Variants in CDH18 observed in about 807,000 individuals in gnomAD.
CDH18 encodes cadherin-18.
Under a neutral mutation model 67.9 loss-of-function variants are expected in CDH18, and 31 were observed. The ratio of observed to expected loss-of-function variants is 0.46; its 90% CI spans 0.34 to 0.62. The LOEUF (loss-of-function observed/expected upper bound fraction) is 0.62, where lower values mean the gene tolerates loss of function less well. Ranked by LOEUF, CDH18 falls within the 20% of genes least tolerant of loss-of-function variation. CDH18 has a pLI of 0.01. For synonymous variants in CDH18, 362 were observed against 347.2 expected (o/e 1.04, Z -0.48); for missense variants, 890 against 975.5 (o/e 0.91, Z 1.17).
chr5:19,657,459 T>A (rs547459270), intron 5 of CDH18, among the ~76,000 whole-genome samples: 1 of 152,206 alleles, frequency 6.6e-6, no homozygotes, highest in South Asian at 2.1e-4. Flanking sequence ...AATTCATATA[T>A]CCTTAGAAAA....
chr5:19,544,112 T>A, intron 8 of CDH18, 107 bp from the exon 9 acceptor site: 1 of 444,378 alleles, frequency 2.3e-6, no homozygotes, highest in Non-Finnish European at 3.8e-6. Context: ...AATATACTTT[T>A]AAATTCTATA....
intron 1 of CDH18, among the ~76,000 whole-genome samples, chr5:20,540,132 A>T (rs2126585577): frequency 6.6e-6 from 1 of 152,302 alleles, no homozygotes; most frequent in African/African-American, 2.4e-5. Flanking sequence ...TGGACTTCTT[A>T]GAGAGGCTAC....
intron 3 of CDH18, among the ~76,000 whole-genome samples, chr5:19,785,431 T>C (rs775966815): frequency 2.6e-5 from 4 of 150,944 alleles, no homozygotes; most frequent in African/African-American, 4.9e-5. Context: ...GGCGGGCAGA[T>C]CACCTGGGGT....
chr5:19,655,848 CA>C (rs1756288756), intron 5 of CDH18, among the ~76,000 whole-genome samples: 2 of 152,140 alleles, frequency 1.3e-5, no homozygotes, highest in Admixed American at 6.6e-5. Flanking sequence ...CACTCTCTAA[CA>C]GGCTGTCAGC....
At chr5:20,022,881 A>T (rs1738553343) in intron 2 of CDH18, among the ~76,000 whole-genome samples, 1 of 152,184 alleles carries the variant, frequency 6.6e-6, no homozygotes, top group Admixed American at 6.5e-5. Context: ...GGTATACAAA[A>T]TCACTACCTT....
intron 2 of CDH18, among the ~76,000 whole-genome samples, chr5:19,942,771 G>A (rs1305109905): frequency 6.6e-6 from 1 of 152,188 alleles, no homozygotes; most frequent in African/African-American, 2.4e-5. Flanking sequence ...GCAGAAAATA[G>A]AGGTCAAGGT....
At chr5:20,350,165 CA>C (rs201856687) in intron 1 of CDH18, among the ~76,000 whole-genome samples, 7 of 151,958 alleles carry the variant, frequency 4.6e-5, no homozygotes, top group South Asian at 2.1e-4. Flanking sequence ...TCTTACATTA[CA>C]AAAAAATTTC....
intron 2 of CDH18, among the ~76,000 whole-genome samples, chr5:20,121,014 T>C (rs1748309517): frequency 6.6e-6 from 1 of 152,120 alleles, no homozygotes; most frequent in Non-Finnish European, 1.5e-5. Context: ...CACCACAACT[T>C]TAAGAGGAAA....
At chr5:20,102,070 C>T (rs929237277) in intron 2 of CDH18, among the ~76,000 whole-genome samples, 7 of 151,812 alleles carry the variant, frequency 4.6e-5, no homozygotes, top group South Asian at 2.1e-4. Context: ...GATGCTGTCT[C>T]GGAAAAAACA....
intron 6 of CDH18, among the ~76,000 whole-genome samples, chr5:19,603,763 T>C (rs1747563508): frequency 6.7e-6 from 1 of 150,280 alleles, no homozygotes; most frequent in South Asian, 2.1e-4. Flanking sequence ...TAGGGCAATG[T>C]GCATTTTTCA....
chr5:19,850,514 C>T (rs75739418), intron 2 of CDH18, among the ~76,000 whole-genome samples: 1 of 151,718 alleles, frequency 6.6e-6, no homozygotes, highest in Non-Finnish European at 1.5e-5. Flanking sequence ...AGATAAGAAG[C>T]TTACAGTTTA....
intron 2 of CDH18, among the ~76,000 whole-genome samples, chr5:19,876,632 T>C (rs968002799): frequency 1.1e-4 from 17 of 152,072 alleles, no homozygotes; most frequent in African/African-American, 3.6e-4. Flanking sequence ...TTTTAGATCC[T>C]GACCATTTGG....
intron 10 of CDH18, among the ~76,000 whole-genome samples, chr5:19,509,642 G>A (rs1744811711): frequency 6.6e-6 from 1 of 152,046 alleles, no homozygotes; most frequent in Non-Finnish European, 1.5e-5. Context: ...TGTATGTGGT[G>A]GAAGCAGAGA....
chr5:20,023,909 A>G (rs1738660976), intron 2 of CDH18, among the ~76,000 whole-genome samples: 2 of 152,232 alleles, frequency 1.3e-5, no homozygotes, highest in Middle Eastern at 3.4e-3. Flanking sequence ...AACCAACTCA[A>G]TTCTGCACAG....
intron 1 of CDH18, among the ~76,000 whole-genome samples, chr5:20,438,051 G>A (rs79854916): frequency 0.045 from 6,818 of 151,120 alleles, 633 homozygotes; most frequent in African/African-American, 0.16. Context: ...TCTTTGCAGT[G>A]ACATATTTAA....
chr5:20,346,463 C>G (rs983167777), intron 1 of CDH18, among the ~76,000 whole-genome samples: 2 of 152,098 alleles, frequency 1.3e-5, no homozygotes, highest in Non-Finnish European at 2.9e-5. Context: ...GGAGCTGAAT[C>G]ATCTGTCCCA....
At chr5:20,114,595 G>T (rs1407944965) in intron 2 of CDH18, among the ~76,000 whole-genome samples, 1 of 152,090 alleles carries the variant, frequency 6.6e-6, no homozygotes, top group Non-Finnish European at 1.5e-5. Flanking sequence ...TCATAAGTTT[G>T]CTAGGAGTGG....
intron 2 of CDH18, among the ~76,000 whole-genome samples, chr5:20,194,475 C>A (rs1273157081): frequency 1.3e-5 from 2 of 151,954 alleles, no homozygotes; most frequent in African/African-American, 2.4e-5. Flanking sequence ...ATATGCTAAT[C>A]AGAGTTGTTG....
intron 1 of CDH18, among the ~76,000 whole-genome samples, chr5:20,325,717 A>G (rs1378463085): frequency 6.6e-6 from 1 of 151,706 alleles, no homozygotes; most frequent in South Asian, 2.1e-4. Context: ...CTAGCTGAGT[A>G]TCATTTTATC....
Sources: allele counts gnomAD v4.1 joint callset (sites outside exome capture counted in the v4.1 genomes callset), GRCh38; gene constraint gnomAD v4.1.1; transcripts MANE v1.5; gene names NCBI Gene and HGNC (gene_info 2026-07-23, HGNC 2026-07-21).